The following SPTA1 variants were observed in gnomAD, a reference collection of about 807,000 sequenced individuals.
SPTA1 encodes spectrin alpha, erythrocytic 1.
Under a neutral mutation model 324.7 loss-of-function variants are expected in SPTA1, and 177 were observed. That is an observed-to-expected ratio of 0.55 (90% confidence interval 0.48 to 0.62). The LOEUF (loss-of-function observed/expected upper bound fraction) is 0.62. Among genes scored for constraint, SPTA1 ranks in the 20% least tolerant of loss-of-function variants. The pLI, the probability that SPTA1 is intolerant of heterozygous loss-of-function variation, is 0.00. For synonymous variants in SPTA1, 1,195 were observed against 1,041.3 expected (o/e 1.15, Z -2.84); for missense variants, 3,162 against 2,883.6 (o/e 1.10, Z -2.21).
intron 27 of SPTA1, 151 bp downstream of exon 27, chr1:158,647,388 T>C (rs972943742): frequency 3.2e-6 from 3 of 935,392 alleles, no homozygotes; most frequent in African/African-American, 3.3e-5. Context: ...TTGCTTCTAG[T>C]TTCAAACCTG....
At chr1:158,636,178 G>C in intron 37 of SPTA1, 144 bp from the exon 38 acceptor site, 1 of 1,432,256 alleles carries the variant, frequency 7.0e-7, no homozygotes, top group South Asian at 1.2e-5. Context: ...TGAAAGTCCA[G>C]GGAGAATGAT....
chr1:158,641,511 A>C (rs1331058673), intron 33 of SPTA1, among the ~76,000 whole-genome samples: 1 of 152,240 alleles, frequency 6.6e-6, no homozygotes, highest in Non-Finnish European at 1.5e-5. Context: ...ATATGAATAG[A>C]CACTTCTCAA....
intron 38 of SPTA1, 67 bp from the exon 39 acceptor site, chr1:158,634,742 G>A: frequency 1.3e-6 from 2 of 1,594,086 alleles, no homozygotes; most frequent in Admixed American, 1.7e-5. Context: ...GTACAGTGGG[G>A]TGGCACAATC....
chr1:158,642,403 A>G lies in SPTA1; in HGVS notation c.4737+8T>C, dbSNP rs1317513049. On this transcript the variant is annotated splice_region_variant and intron_variant, in intron 33 of 51. Transcript: ENST00000643759. ...ACTTTGTAGCCCAAAACTCATCCTGAGCTTTACCTTCATGGCCTCTTCATT... is the reference window on the plus strand; with the variant it reads ...ACTTTGTAGCCCAAAACTCATCCTGGGCTTTACCTTCATGGCCTCTTCATT... 2.5e-6 allele frequency: 4 copies of G among 1,613,024 alleles called. No homozygotes were observed. In the South Asian group the frequency reaches 4.4e-5, roughly 18 times the overall value.
At chr1:158,618,588 C>T (rs1242547560) in intron 45 of SPTA1, among the ~76,000 whole-genome samples, 1 of 151,968 alleles carries the variant, frequency 6.6e-6, no homozygotes, top group African/African-American at 2.4e-5. Flanking sequence ...GGTCATTTAC[C>T]CCAGAAGATG....
chr1:158,644,304 C>A lies in SPTA1; in HGVS notation c.4287G>T (p.Leu1429=), dbSNP rs886045384. 23 of 1,613,810 alleles carry A rather than the reference C, an allele frequency of 1.4e-5. No homozygotes were observed. The highest frequency in any genetic ancestry group is 1.6e-5 in the Non-Finnish European group (19 of 1,179,920). Residue 1429 remains leucine, a synonymous_variant, in exon 30 of 52, where the codon CTG becomes CTT. Transcript: ENST00000643759. ...CGTCCCGTTTCTTCATCAAAGCCTC[C>A]AGACTGTCTAAGGAACTTTTGTCAT... is the stretch of plus-strand genomic sequence containing the variant. ...RSDDKSSLDS[L]EALMKKRDDL...
At chr1:158,677,634 T>C (rs753026688) in intron 7 of SPTA1, 56 bp downstream of exon 7, 262 of 1,603,720 alleles carry the variant, frequency 1.6e-4, no homozygotes, top group Non-Finnish European at 1.4e-4. Context: ...GGCAAGATAA[T>C]CAACAATTGC....
intron 3 of SPTA1, among the ~76,000 whole-genome samples, chr1:158,682,981 A>G (rs1000411872): frequency 6.6e-6 from 1 of 152,180 alleles, no homozygotes; most frequent in Non-Finnish European, 1.5e-5. Context: ...TTTGGAAAAC[A>G]TTCAAATGAG....
chr1:158,649,930 C>A lies in SPTA1; in HGVS notation c.3495G>T (p.Trp1165Cys). 1 of 1,613,512 alleles carries A rather than the reference C, an allele frequency of 6.2e-7. No homozygotes were observed. The highest frequency in any genetic ancestry group is 8.5e-7 in the Non-Finnish European group (1 of 1,179,726). ...CATCTGCAAGCCTCTGCAAAGAACC[C>A]CAGCGGGAATTCAATTCCTAAAAGA... Reference protein sequence around the residue: ...AQIRQELNSRWGSLQRLADEQ... With the variant: ...AQIRQELNSRCGSLQRLADEQ... Residue 1165 changes from tryptophan to cysteine, a missense_variant, in exon 25 of 52, where the codon TGG (tryptophan) becomes TGT (cysteine). Physicochemically the swap from Trp to Cys is radical, Grantham distance 215. Coordinates refer to ENST00000643759, the MANE Select transcript of SPTA1 (RefSeq NM_003126.4).
chr1:158,685,495 T>C (rs1655112443), intron 1 of SPTA1, 148 bp from the exon 2 acceptor site: 3 of 1,155,404 alleles, frequency 2.6e-6, no homozygotes, highest in East Asian at 5.0e-5. Flanking sequence ...AGCTGTAGTA[T>C]ATTTACGTAA....
At position 158,683,408 on chromosome 1, in the gene SPTA1, C is replaced by A. The variant is rs761738511; in HGVS notation, c.353G>T (p.Arg118Leu). The change falls in exon 3 of 52, where the codon CGA (arginine) becomes CTA (leucine). Residue 118 changes from arginine (R) to leucine (L), a missense_variant. Physicochemically the swap from Arg to Leu is moderately radical, Grantham distance 102 (BLOSUM62 -2). Transcript: ENST00000643759. Reference sequence around the variant, plus strand: ...GTGGGCAGAATGACCCATGGTAAATCGTTCTTCCCTTGTTTTTTCCAGTTC... The same window carrying A: ...GTGGGCAGAATGACCCATGGTAAATAGTTCTTCCCTTGTTTTTTCCAGTTC... ...MSELEKTREE[R>L]FTMGHSAHEE... is the part of the protein sequence containing the mutation. 6.2e-7 allele frequency: 1 copy of A among 1,613,400 alleles called. No individual in the cohort carries two copies.
chr1:158,666,163 C>T (rs1023208108), intron 16 of SPTA1, among the ~76,000 whole-genome samples, 153 bp downstream of exon 16: 1 of 151,840 alleles, frequency 6.6e-6, no homozygotes, highest in Non-Finnish European at 1.5e-5. Flanking sequence ...TTACTTATTA[C>T]TTAATAATCA....
At chr1:158,673,707 A>C (rs1166461000) in intron 10 of SPTA1, among the ~76,000 whole-genome samples, 1 of 152,190 alleles carries the variant, frequency 6.6e-6, no homozygotes, top group Admixed American at 6.5e-5. Flanking sequence ...TGGGAAGGTC[A>C]CGAAACTGGG....
In SPTA1 at chr1:158,642,894, G is replaced by A. The variant is rs1309668627; in HGVS notation, c.4525C>T (p.Leu1509Phe). ...CTGATCCATTCTTCCAGCTCCTCAA[G>A]GTCTCGGTAGAATTGTTTTAGGTTG... ...YANLKQFYRDLEELEEWISEM... is the reference protein window; with the variant it reads ...YANLKQFYRDFEELEEWISEM... The change falls in exon 32 of 52, where the codon CTT becomes TTT. Residue 1509 changes from leucine to phenylalanine, a missense_variant. By Grantham distance (22) the Leu-to-Phe change is conservative. Coordinates refer to ENST00000643759, the MANE Select transcript of SPTA1 (RefSeq NM_003126.4). 1.2e-6 allele frequency: 2 copies of A among 1,613,696 alleles called. No homozygotes were observed. Among genetic ancestry groups the A allele is most frequent in the East Asian group, 2.2e-5 (1 of 44,854 alleles).
At chr1:158,639,245 A>G (rs1251096665) in intron 35 of SPTA1, 1 of 297,612 alleles carries the variant, frequency 3.4e-6, no homozygotes, top group Non-Finnish European at 6.4e-6. Flanking sequence ...TTGTAATTCT[A>G]TAAAGTAAAC....
chr1:158,640,163 G>A (rs1342203512), intron 33 of SPTA1, among the ~76,000 whole-genome samples, 156 bp from the exon 34 acceptor site: 3 of 152,116 alleles, frequency 2.0e-5, no homozygotes, highest in Non-Finnish European at 2.9e-5. Flanking sequence ...TACTTAATCT[G>A]GGAAAACAAT....
rs1447682274 is a variant in SPTA1, at chr1:158,652,771, C to A, written c.3189-118G>T. On this transcript the variant is annotated intron_variant, in intron 22 of 51. Transcript: ENST00000643759. ...AATGAAAGGGAAAACAAATCAAAAGCAAAAGAATAGTAGAAGAGAGGAGGA... is the reference window on the plus strand; with the variant it reads ...AATGAAAGGGAAAACAAATCAAAAGAAAAAGAATAGTAGAAGAGAGGAGGA... The A allele has an allele frequency of 2.5e-6, 3 of 1,196,830 alleles. No homozygotes were observed. The African/African-American group carries it at 4.6e-5, about 18-fold the overall frequency. The allele number at this position is 1,196,830 out of a possible 1,614,324, so 74.1% of individuals were successfully genotyped here. A position where few individuals can be genotyped will look rare whatever the true frequency, so the allele number is the denominator to read the frequency against.
chr1:158,677,794 G>C lies in SPTA1; in HGVS notation c.853C>G (p.Pro285Ala), dbSNP rs150007668. Residue 285 changes from proline (P) to alanine (A), a missense_variant, in exon 7 of 52, where the codon CCT (proline) becomes GCT (alanine). Transcript: ENST00000643759. ...CCATAGTCCTCAGAGGTGAGTACAG[G>C]TTCCTTCTCCTTGATCCACTGGATG... The part of the protein sequence containing the change: ...EAIQWIKEKE[P>A]VLTSEDYGKD... 1.4e-5 allele frequency: 22 copies of C among 1,613,650 alleles called. No individual in the cohort carries two copies. The highest frequency in any genetic ancestry group is 1.2e-4 in the African/African-American group (9 of 74,984).
At chr1:158,615,144 C>A in intron 48 of SPTA1, 72 bp downstream of exon 48, 1 of 1,569,596 alleles carries the variant, frequency 6.4e-7, no homozygotes, top group Non-Finnish European at 8.8e-7. Flanking sequence ...ACCAAACTCT[C>A]GCCCTTAGTT....
Sources: gnomAD v4.1 joint callset for allele counts (sites outside exome capture counted in the v4.1 genomes callset) on GRCh38, gnomAD v4.1.1 for gene constraint, MANE v1.5 for transcripts, NCBI Gene and HGNC (gene_info 2026-07-23, HGNC 2026-07-21) for gene names.